The following NDST3 variants were observed in gnomAD, a reference collection of about 807,000 sequenced individuals.
NDST3 encodes bifunctional heparan sulfate N-deacetylase/N-sulfotransferase 3.
In NDST3, 58 loss-of-function variants were observed where a neutral mutation model predicts 96.1. The ratio of observed to expected loss-of-function variants is 0.60; its 90% CI spans 0.49 to 0.75. The LOEUF (loss-of-function observed/expected upper bound fraction) is 0.75. Among genes scored for constraint, NDST3 ranks in the 30% least tolerant of loss-of-function variants. The pLI, the probability that NDST3 is intolerant of heterozygous loss-of-function variation, is 0.00. For missense variants in NDST3, 788 were observed against 1,034.2 expected, an observed-to-expected ratio of 0.76 and a Z score of 3.27; for synonymous variants, 333 against 359.7, an observed-to-expected ratio of 0.93 and a Z score of 0.84.
upstream of NDST3, among the ~76,000 whole-genome samples, chr4:118,033,335 C>T (rs2110411874): frequency 6.6e-6 from 1 of 152,292 alleles, no homozygotes; most frequent in East Asian, 2.0e-4. Flanking sequence ...CTTCCAGCGT[C>T]GCCTCGGGGA....
intron 6 of NDST3, among the ~76,000 whole-genome samples, chr4:118,181,087 A>G (rs559278656): frequency 2.0e-5 from 3 of 152,074 alleles, no homozygotes; most frequent in African/African-American, 7.2e-5. Context: ...AGGGGAACCT[A>G]CTCACGATTC....
chr4:118,185,954 T>C (rs1012628135), intron 6 of NDST3, among the ~76,000 whole-genome samples: 1 of 152,210 alleles, frequency 6.6e-6, no homozygotes, highest in Admixed American at 6.5e-5. Context: ...ACTTTAGTCA[T>C]TGATGTCACT....
chr4:118,251,125 A>ATTTTTT (rs370800744), intron 12 of NDST3, among the ~76,000 whole-genome samples: 8 of 111,740 alleles, frequency 7.2e-5, no homozygotes, highest in Admixed American at 1.0e-4. Flanking sequence ...TATTATTTTT[A>ATTTTTT]TTTTATTTTT....
chr4:118,107,429 T>C (rs1357890114), intron 3 of NDST3, among the ~76,000 whole-genome samples: 1 of 152,132 alleles, frequency 6.6e-6, no homozygotes, highest in Non-Finnish European at 1.5e-5. Flanking sequence ...ACTCATATAA[T>C]GGAATACTCT....
At chr4:118,158,248 T>G (rs1331177442) in intron 6 of NDST3, among the ~76,000 whole-genome samples, 1 of 152,140 alleles carries the variant, frequency 6.6e-6, no homozygotes. Flanking sequence ...CAAAAGTAAG[T>G]GGGCTTTTTG....
intron 6 of NDST3, among the ~76,000 whole-genome samples, chr4:118,151,140 A>G (rs1734365025): frequency 6.6e-6 from 1 of 152,124 alleles, no homozygotes; most frequent in African/African-American, 2.4e-5. Context: ...CGCAAGAACA[A>G]AAAACCAAAC....
intron 4 of NDST3, among the ~76,000 whole-genome samples, chr4:118,124,556 AGCCGGGGACTCAAATCT>A (rs1731881833): frequency 6.6e-6 from 1 of 152,000 alleles, no homozygotes; most frequent in South Asian, 2.1e-4. Context: ...ACTGAGATTG[AGCCGGGGACTCAAATCT>A]GTGTTCTCCT....
chr4:118,093,326 T>C (rs10015485), intron 2 of NDST3, among the ~76,000 whole-genome samples: 4,549 of 151,954 alleles, frequency 0.03, 257 homozygotes, highest in African/African-American at 0.1. Context: ...TGGGTCTAAT[T>C]TGATTTGATT....
At chr4:118,251,955 T>C (rs982039885) in intron 12 of NDST3, among the ~76,000 whole-genome samples, 1 of 152,166 alleles carries the variant, frequency 6.6e-6, no homozygotes, top group African/African-American at 2.4e-5. Context: ...TTCTAAAACT[T>C]AACAAAGTTT....
At chr4:118,122,466 T>C (rs1731679201) in intron 4 of NDST3, among the ~76,000 whole-genome samples, 1 of 140,084 alleles carries the variant, frequency 7.1e-6, no homozygotes, top group Non-Finnish European at 1.6e-5. Flanking sequence ...CATGTTCCCA[T>C]GCATTTAACA....
At chr4:118,140,571 A>C (rs757725786) in intron 5 of NDST3, among the ~76,000 whole-genome samples, 2 of 152,182 alleles carry the variant, frequency 1.3e-5, no homozygotes, top group East Asian at 3.9e-4. Flanking sequence ...TCACATTGCT[A>C]TGAGTAAATA....
chr4:118,134,279 A>T (rs1338429947), intron 4 of NDST3, among the ~76,000 whole-genome samples: 2 of 152,230 alleles, frequency 1.3e-5, no homozygotes, highest in African/African-American at 4.8e-5. Flanking sequence ...TAGACAAAGA[A>T]GCAAGGATCA....
At chr4:118,113,904 T>C (rs542236496) in intron 3 of NDST3, among the ~76,000 whole-genome samples, 9 of 152,236 alleles carry the variant, frequency 5.9e-5, no homozygotes, top group African/African-American at 2.2e-4. Context: ...ACTGCTCTTA[T>C]TTTATGCTAT....
chr4:118,249,731 TACAC>T (rs60479821), intron 12 of NDST3, among the ~76,000 whole-genome samples: 60 of 145,568 alleles, frequency 4.1e-4, no homozygotes, highest in African/African-American at 9.3e-4. Context: ...CAGCCCCACA[TACAC>T]ACACACACAC....
chr4:118,191,675 G>A (rs929899739), intron 6 of NDST3, among the ~76,000 whole-genome samples: 24 of 152,264 alleles, frequency 1.6e-4, no homozygotes, highest in African/African-American at 4.6e-4. Context: ...AATGGAAAAT[G>A]GGAATTGCAT....
intron 6 of NDST3, among the ~76,000 whole-genome samples, chr4:118,148,704 A>T (rs1170582817): frequency 2.0e-5 from 3 of 152,180 alleles, no homozygotes; most frequent in African/African-American, 7.2e-5. Context: ...AAAATACTGT[A>T]ATTTTATATG....
At chr4:118,120,113 A>T (rs917066745) in intron 4 of NDST3, among the ~76,000 whole-genome samples, 1 of 152,180 alleles carries the variant, frequency 6.6e-6, no homozygotes, top group Admixed American at 6.5e-5. Context: ...ATGTTTGCTA[A>T]ATAAAAATAA....
At chr4:118,130,294 G>A (rs1243055351) in intron 4 of NDST3, among the ~76,000 whole-genome samples, 4 of 151,938 alleles carry the variant, frequency 2.6e-5, no homozygotes, top group Admixed American at 6.6e-5. Context: ...CTTCCTTTCA[G>A]TGAAGATAAT....
At chr4:118,052,814 G>A (rs1418125331) in intron 1 of NDST3, among the ~76,000 whole-genome samples, 2 of 151,842 alleles carry the variant, frequency 1.3e-5, no homozygotes, top group East Asian at 1.9e-4. Context: ...AAAAAAAGAA[G>A]CACTCATGTT....
Sources: gnomAD v4.1 joint callset for allele counts (sites outside exome capture counted in the v4.1 genomes callset) on GRCh38, gnomAD v4.1.1 for gene constraint, MANE v1.5 for transcripts, NCBI Gene and HGNC (gene_info 2026-07-23, HGNC 2026-07-21) for gene names.